The following GNB1L variants were observed in gnomAD, a reference collection of about 807,000 sequenced individuals.
GNB1L encodes the protein guanine nucleotide-binding protein subunit beta-like protein 1.
GNB1L carries 20 observed loss-of-function variants against 29.1 expected under a neutral mutation model. That is an observed-to-expected ratio of 0.69 (90% CI 0.48 to 1.00). The LOEUF is 1.00. GNB1L is among the 50% of genes least tolerant of loss of function. GNB1L has a pLI of 0.00. For missense variants in GNB1L, 421 were observed against 464.9 expected, an observed-to-expected ratio of 0.91 and a Z score of 0.87; for synonymous variants, 193 against 206.5, an observed-to-expected ratio of 0.93 and a Z score of 0.56.
chr22:19,803,583 C>T (rs546057867), intron 6 of GNB1L, among the ~76,000 whole-genome samples: 5 of 152,340 alleles, frequency 3.3e-5, no homozygotes, highest in South Asian at 2.1e-4. Context: ...GGAAATGAGG[C>T]GTGCAGGGAC....
intron 2 of GNB1L, among the ~76,000 whole-genome samples, chr22:19,824,237 C>G (rs965392824): frequency 6.6e-6 from 1 of 152,204 alleles, no homozygotes; most frequent in Non-Finnish European, 1.5e-5. Context: ...TGACAATATC[C>G]TAGGATTGCT....
chr22:19,846,299 G>T, intron 2 of GNB1L: 2 of 481,134 alleles, frequency 4.2e-6, no homozygotes, highest in Non-Finnish European at 5.4e-6. Context: ...AATGTCAAAG[G>T]CAGAAAGTTA....
rs781585413 is a variant in GNB1L, at chr22:19,802,103, G to A, written c.630C>T (p.Pro210=). 9.9e-6 allele frequency: 16 copies of A among 1,613,440 alleles called. No homozygotes were observed. Among genetic ancestry groups the A allele is most frequent in the African/African-American group, 2.7e-5 (2 of 74,934 alleles). ...GGGAGTCAAAGTCAAGGTCCATGAC[G>A]GGCTCCTCATGGCAGGCGATGCGGC... ...VCSRIACHEE[P]VMDLDFDSQK... Residue 210 remains proline (P), a synonymous_variant, in exon 7 of 8, where the codon CCC becomes CCT. Coordinates refer to ENST00000329517, the MANE Select transcript of GNB1L (RefSeq NM_053004.3).
At chr22:19,851,814 C>A in intron 2 of GNB1L, 1 of 1,614,016 alleles carries the variant, frequency 6.2e-7, no homozygotes, top group Non-Finnish European at 8.5e-7. Flanking sequence ...CAGGCCTGGG[C>A]TCGGCCTGTT....
intron 2 of GNB1L, among the ~76,000 whole-genome samples, chr22:19,836,440 A>G (rs1937766583): frequency 6.6e-6 from 1 of 152,204 alleles, no homozygotes; most frequent in Non-Finnish European, 1.5e-5. Context: ...TTACTGGCAA[A>G]TTCTACCAAA....
At chr22:19,838,892 C>T (rs1264853005) in intron 2 of GNB1L, among the ~76,000 whole-genome samples, 3 of 152,190 alleles carry the variant, frequency 2.0e-5, no homozygotes, top group East Asian at 3.8e-4. Flanking sequence ...TTATAACTAA[C>T]CACCCAAAAC....
intron 5 of GNB1L, among the ~76,000 whole-genome samples, chr22:19,808,249 C>T (rs1190862342): frequency 1.3e-5 from 2 of 152,232 alleles, no homozygotes; most frequent in African/African-American, 4.8e-5. Context: ...GTAACATGTA[C>T]ACACCTGCAC....
At chr22:19,846,562 C>G (rs1056724335) in intron 2 of GNB1L, 1 of 985,360 alleles carries the variant, frequency 1.0e-6, no homozygotes, top group Admixed American at 6.1e-5. Context: ...AGAAGCCTAT[C>G]GCGGGCACCG....
intron 2 of GNB1L, chr22:19,848,431 C>G (rs1938017365): frequency 6.1e-6 from 6 of 985,500 alleles, no homozygotes; most frequent in Non-Finnish European, 7.2e-6. Context: ...GCTTGGTCAT[C>G]ATCTGTCTGA....
chr22:19,834,235 C>G (rs1937727362), intron 2 of GNB1L, among the ~76,000 whole-genome samples: 1 of 151,890 alleles, frequency 6.6e-6, no homozygotes, highest in Non-Finnish European at 1.5e-5. Context: ...ATAATGAAAC[C>G]ATGGAGGCCA....
chr22:19,828,515 AC>A (rs1327342058), intron 2 of GNB1L, among the ~76,000 whole-genome samples: 1 of 152,022 alleles, frequency 6.6e-6, no homozygotes, highest in Non-Finnish European at 1.5e-5. Flanking sequence ...TTCGCTGGGC[AC>A]AGTTGTATAG....
intron 5 of GNB1L, among the ~76,000 whole-genome samples, chr22:19,810,308 A>G (rs1344644807): frequency 6.6e-6 from 1 of 151,596 alleles, no homozygotes; most frequent in Non-Finnish European, 1.5e-5. Context: ...GCTCCAAAAG[A>G]CCCCTCTGGG....
At chr22:19,821,818 C>T (rs1937581774) in intron 2 of GNB1L, among the ~76,000 whole-genome samples, 1 of 152,228 alleles carries the variant, frequency 6.6e-6, no homozygotes, top group Admixed American at 6.5e-5. Context: ...CCCCAGATCC[C>T]AGGGGCCACA....
intron 2 of GNB1L, chr22:19,851,366 GGT>G: frequency 6.2e-7 from 1 of 1,614,164 alleles, no homozygotes; most frequent in Non-Finnish European, 8.5e-7. Context: ...TCTAGGGACA[GGT>G]GTGGGGGCTG....
At chr22:19,794,830 A>G (rs1937288263) in intron 7 of GNB1L, among the ~76,000 whole-genome samples, 1 of 152,000 alleles carries the variant, frequency 6.6e-6, no homozygotes. Context: ...AAAATACAAA[A>G]ATTAGCCGGG....
At chr22:19,847,955 TG>T in intron 2 of GNB1L, 1 of 985,318 alleles carries the variant, frequency 1.0e-6, no homozygotes, top group Non-Finnish European at 1.2e-6. Context: ...CTGCTTTTAC[TG>T]AATAATCCAT....
chr22:19,805,530 C>T (rs772500665), intron 6 of GNB1L, among the ~76,000 whole-genome samples: 5 of 152,178 alleles, frequency 3.3e-5, no homozygotes, highest in Admixed American at 1.3e-4. Context: ...CGCCTGTAAT[C>T]CCAGCACTTT....
intron 7 of GNB1L, among the ~76,000 whole-genome samples, chr22:19,798,324 G>A (rs1937330618): frequency 6.6e-6 from 1 of 152,240 alleles, no homozygotes; most frequent in Admixed American, 6.5e-5. Flanking sequence ...GAAGGAACTG[G>A]CGGCTGGGAA....
intron 2 of GNB1L, chr22:19,846,398 G>A (rs1008744134): frequency 1.0e-6 from 1 of 983,836 alleles, no homozygotes; most frequent in Non-Finnish European, 1.2e-6. Context: ...CAGCACAACT[G>A]GGCACTGCCT....
Sources: allele counts gnomAD v4.1 joint callset (sites outside exome capture counted in the v4.1 genomes callset), GRCh38; gene constraint gnomAD v4.1.1; transcripts MANE v1.5; gene names NCBI Gene and HGNC (gene_info 2026-07-23, HGNC 2026-07-21).